Variants in THSD7B observed in about 807,000 individuals in gnomAD.
The protein encoded by THSD7B is thrombospondin type-1 domain-containing protein 7B.
Under a neutral mutation model 213.6 loss-of-function variants are expected in THSD7B, and 138 were observed. The observed-to-expected ratio is 0.65, with a 90% CI of 0.56 to 0.74. The LOEUF is 0.74. THSD7B is among the 30% of genes least tolerant of loss of function. The pLI, the probability that THSD7B is intolerant of heterozygous loss-of-function variation, is 0.00. For missense variants in THSD7B, 1,931 were observed against 1,991.5 expected (o/e 0.97, Z 0.58); for synonymous variants, 742 against 687.0 (o/e 1.08, Z -1.25).
chr2:137,019,870 A>G (rs1482651576), intron 2 of THSD7B, among the ~76,000 whole-genome samples: 1 of 152,212 alleles, frequency 6.6e-6, no homozygotes, highest in Non-Finnish European at 1.5e-5. Flanking sequence ...AGAGATAGAA[A>G]TAAATATTTA....
At position 137,412,613 on chromosome 2, in the gene THSD7B, A is replaced by C. The variant is rs1163930087; in HGVS notation, c.2959+741A>C. On this transcript the variant is annotated intron_variant, in intron 14 of 27. Coordinates refer to ENST00000409968, the MANE Select transcript of THSD7B (RefSeq NM_001316349.2). ...ACTCTGTCTCAAAAAAAAAAAAACA[A>C]AAAAAAACAAAAAACAGTTTTACTA... Among the ~76,000 whole-genome samples, 42 of 148,652 alleles carry C rather than the reference A, an allele frequency of 2.8e-4. 2 individuals are homozygous for C. Among genetic ancestry groups the C allele is most frequent in the Admixed American group, 1.7e-3 (25 of 14,958 alleles).
At position 137,676,634 on chromosome 2, in the gene THSD7B, C is replaced by G; in HGVS notation, c.*29C>G. On this transcript the variant is annotated 3_prime_UTR_variant, in exon 28 of 28. Transcript: ENST00000409968. ...GAAAAAGAAATCCAAATGTAGACATCAACTGCCTTAACCGCTTTCTCTTTT... is the reference window on the plus strand; with the variant it reads ...GAAAAAGAAATCCAAATGTAGACATGAACTGCCTTAACCGCTTTCTCTTTT... 1.3e-6 allele frequency: 2 copies of G among 1,528,996 alleles called. No homozygotes were observed. Among genetic ancestry groups the G allele is most frequent in the Non-Finnish European group, 1.8e-6 (2 of 1,140,828 alleles). 94.7% of individuals were successfully genotyped at this position (1,528,996 alleles called of 1,614,324 possible).
chr2:137,221,641 T>C (rs2105045036), intron 7 of THSD7B, among the ~76,000 whole-genome samples: 1 of 152,354 alleles, frequency 6.6e-6, no homozygotes, highest in South Asian at 2.1e-4. Flanking sequence ...TGGTCAAGAA[T>C]ATTTTTGGGG....
chr2:137,291,859 CTG>C (rs1683347526), intron 12 of THSD7B, among the ~76,000 whole-genome samples: 1 of 152,120 alleles, frequency 6.6e-6, no homozygotes. Flanking sequence ...TTACATGAGA[CTG>C]AGAGGATTTT....
chr2:137,455,100 G>A (rs1413553865), intron 15 of THSD7B, among the ~76,000 whole-genome samples: 2 of 152,050 alleles, frequency 1.3e-5, no homozygotes, highest in Non-Finnish European at 2.9e-5. Context: ...CTTCTCTTTA[G>A]AATATGAGGT....
At chr2:137,396,170 C>A (rs1039197000) in intron 12 of THSD7B, among the ~76,000 whole-genome samples, 1 of 143,316 alleles carries the variant, frequency 7.0e-6, no homozygotes, top group Non-Finnish European at 1.5e-5. Context: ...TCCTTCAGTT[C>A]TGCTCTGATT....
rs1015202114 is a variant in THSD7B at position 137,279,246 on chromosome 2, C to T, written c.2500+3220C>T. ...ACTTTGGTAAAAATATATTTTTTAA[C>T]ATAAACTGGCCAGGTGTGATAGCTC... is the stretch of plus-strand genomic sequence containing the variant. On this transcript the variant is annotated intron_variant, in intron 12 of 27. Transcript: ENST00000409968. 1.6e-4 allele frequency among the ~76,000 whole-genome samples: 25 copies of T among 152,004 alleles called. 1 individual carries two copies. The highest frequency in any genetic ancestry group is 8.8e-5 in the Non-Finnish European group (6 of 67,988).
At chr2:136,909,807 A>T (rs572849927) in intron 2 of THSD7B, among the ~76,000 whole-genome samples, 2 of 152,174 alleles carry the variant, frequency 1.3e-5, no homozygotes, top group African/African-American at 4.8e-5. Context: ...GACTACTTAC[A>T]TTCTTTCCTG....
Position 137,186,714 on chromosome 2 carries a change from G to T in THSD7B, c.1723+15776G>T, listed in dbSNP as rs113639862. ...TTAGGACTCTTTTTTGGTTCCAGAT[G>T]AATTTTAGAATTATTTTTTCTACTT... is the stretch of plus-strand genomic sequence containing the variant. On this transcript the variant is annotated intron_variant, in intron 7 of 27. Transcript: ENST00000409968. Among the ~76,000 whole-genome samples the T allele has an allele frequency of 3.2e-3, 486 of 152,138 alleles. 2 individuals are homozygous for T. The highest frequency in any genetic ancestry group is 4.2e-3 in the Non-Finnish European group (287 of 67,972).
At chr2:137,305,284 T>A (rs1466508457) in intron 12 of THSD7B, among the ~76,000 whole-genome samples, 7 of 152,106 alleles carry the variant, frequency 4.6e-5, no homozygotes, top group Admixed American at 4.6e-4. Flanking sequence ...GGATATGAGT[T>A]TATTACAGAG....
intron 7 of THSD7B, among the ~76,000 whole-genome samples, chr2:137,215,194 C>T (rs1681207874): frequency 6.6e-6 from 1 of 152,166 alleles, no homozygotes; most frequent in South Asian, 2.1e-4. Context: ...TGATGACGAG[C>T]TCTTTTTCAT....
At chr2:137,484,160 T>TCCCTCCC (rs1487690138) in intron 15 of THSD7B, among the ~76,000 whole-genome samples, 1 of 117,656 alleles carries the variant, frequency 8.5e-6, no homozygotes, top group African/African-American at 3.3e-5. Context: ...CCTAAAGCTA[T>TCCCTCCC]CCCTCCCCCC....
chr2:137,130,245 A>G (rs2104952419), intron 5 of THSD7B, among the ~76,000 whole-genome samples: 1 of 152,156 alleles, frequency 6.6e-6, no homozygotes, highest in South Asian at 2.1e-4. Context: ...AAAACACATA[A>G]TGTATGTCTA....
At chr2:137,471,602 GGGGTCATCACAT>G (rs1428452897) in intron 15 of THSD7B, among the ~76,000 whole-genome samples, 1 of 151,982 alleles carries the variant, frequency 6.6e-6, no homozygotes, top group African/African-American at 2.4e-5. Context: ...CTCAGGTCTA[GGGGTCATCACAT>G]GGGAAGAGGG....
chr2:137,534,635 A>G (rs1169927985), intron 15 of THSD7B, among the ~76,000 whole-genome samples: 1 of 151,792 alleles, frequency 6.6e-6, no homozygotes, highest in Non-Finnish European at 1.5e-5. Context: ...ACCTGATACT[A>G]AAATATATAC....
chr2:137,273,255 AC>A (rs1450017597), intron 11 of THSD7B, among the ~76,000 whole-genome samples: 1 of 152,150 alleles, frequency 6.6e-6, no homozygotes, highest in East Asian at 1.9e-4. Flanking sequence ...ATTTTTTATT[AC>A]AAAAAGAAAA....
At chr2:137,037,567 T>C (rs544236676) in intron 2 of THSD7B, among the ~76,000 whole-genome samples, 17 of 152,120 alleles carry the variant, frequency 1.1e-4, no homozygotes, top group South Asian at 4.1e-4. Flanking sequence ...TAAAAAGAGG[T>C]CTTATTTTTA....
At chr2:136,898,973 C>G (rs1684014983) in intron 2 of THSD7B, among the ~76,000 whole-genome samples, 1 of 152,028 alleles carries the variant, frequency 6.6e-6, no homozygotes, top group African/African-American at 2.4e-5. Context: ...CATTGTTACC[C>G]CTTATGTCCA....
At chr2:137,323,095 G>A (rs1392016196) in intron 12 of THSD7B, among the ~76,000 whole-genome samples, 1 of 152,184 alleles carries the variant, frequency 6.6e-6, no homozygotes, top group Non-Finnish European at 1.5e-5. Context: ...GAAACTCAAG[G>A]AATGTGATAA....
Sources: gnomAD v4.1 joint callset for allele counts (sites outside exome capture counted in the v4.1 genomes callset) on GRCh38, gnomAD v4.1.1 for gene constraint, MANE v1.5 for transcripts, NCBI Gene and HGNC (gene_info 2026-07-23, HGNC 2026-07-21) for gene names.